Variants in DIAPH2 observed in about 807,000 individuals in gnomAD.
The protein encoded by DIAPH2 is protein diaphanous homolog 2.
In DIAPH2, 35 loss-of-function variants were observed where a neutral mutation model predicts 92.7. That is an observed-to-expected ratio of 0.38 (90% confidence interval 0.29 to 0.50). DIAPH2 has a LOEUF of 0.50. Ranked by LOEUF, DIAPH2 falls within the 20% of genes least tolerant of loss-of-function variation. The pLI is 0.94. For missense variants in DIAPH2, 701 were observed against 819.5 expected, an observed-to-expected ratio of 0.86 and a Z score of 1.77; for synonymous variants, 301 against 280.4, an observed-to-expected ratio of 1.07 and a Z score of -0.73.
chrX:96,796,654 T>C (rs1252150344), intron 4 of DIAPH2, among the ~76,000 whole-genome samples: 5 of 111,989 alleles, frequency 4.5e-5, no homozygotes, highest in African/African-American at 1.6e-4. Context: ...TCTTAACTTA[T>C]GACAGTCTAG....
chrX:96,805,146 G>C (rs937213917), intron 4 of DIAPH2, among the ~76,000 whole-genome samples: 16 of 110,382 alleles, frequency 1.4e-4, no homozygotes, highest in Non-Finnish European at 2.1e-4. Flanking sequence ...CATTCTAGTA[G>C]GACAGATTAA....
intron 26 of DIAPH2, among the ~76,000 whole-genome samples, chrX:97,598,138 G>C (rs985020102): frequency 9.0e-5 from 10 of 111,655 alleles, no homozygotes; most frequent in Non-Finnish European, 1.9e-4. Flanking sequence ...GGCAGGATGT[G>C]TTAGTTGGGC....
At chrX:97,145,178 G>A (rs1447503694) in intron 22 of DIAPH2, among the ~76,000 whole-genome samples, 8 of 111,472 alleles carry the variant, frequency 7.2e-5, no homozygotes, top group East Asian at 2.8e-4. Flanking sequence ...AATAATAACA[G>A]TGAGATTAAA....
chrX:97,327,394 C>T (rs890946898), intron 23 of DIAPH2, among the ~76,000 whole-genome samples: 5 of 108,905 alleles, frequency 4.6e-5, no homozygotes, highest in East Asian at 2.9e-4. Context: ...CTACCGCGCC[C>T]GGCCTAGGAA....
intron 4 of DIAPH2, among the ~76,000 whole-genome samples, chrX:96,862,980 G>T (rs2065080808): frequency 9.0e-6 from 1 of 110,607 alleles, no homozygotes; most frequent in African/African-American, 3.3e-5. Context: ...AAATTTTTTT[G>T]TCTTTTCTGC....
At chrX:97,171,245 C>T (rs1462043389) in intron 22 of DIAPH2, among the ~76,000 whole-genome samples, 2 of 111,926 alleles carry the variant, frequency 1.8e-5, no homozygotes, top group South Asian at 3.7e-4. Flanking sequence ...GGTAGTGTAG[C>T]GTTATATTAT....
At chrX:97,186,544 A>G (rs973742055) in intron 22 of DIAPH2, among the ~76,000 whole-genome samples, 61 of 112,210 alleles carry the variant, frequency 5.4e-4, no homozygotes, top group African/African-American at 1.9e-3. Context: ...GTTATTTTAC[A>G]TAATCCATGC....
chrX:97,521,524 G>C (rs1471374159), intron 26 of DIAPH2, among the ~76,000 whole-genome samples: 1 of 111,577 alleles, frequency 9.0e-6, no homozygotes, highest in Non-Finnish European at 1.9e-5. Flanking sequence ...ATCTCATCTT[G>C]ATTTGTAGTT....
chrX:96,829,120 C>T (rs1187434972), intron 4 of DIAPH2, among the ~76,000 whole-genome samples: 1 of 111,786 alleles, frequency 8.9e-6, no homozygotes, highest in Non-Finnish European at 1.9e-5. Context: ...TCCTAACTTC[C>T]TGCATGAAGT....
intron 1 of DIAPH2, among the ~76,000 whole-genome samples, chrX:96,704,756 G>A (rs2063874222): frequency 9.0e-6 from 1 of 111,116 alleles, no homozygotes. Context: ...TGAGATACAG[G>A]TACTTGTTAT....
intron 25 of DIAPH2, among the ~76,000 whole-genome samples, chrX:97,407,994 C>T (rs2069827764): frequency 9.0e-6 from 1 of 111,515 alleles, no homozygotes; most frequent in African/African-American, 3.3e-5. Flanking sequence ...TTATTCATGA[C>T]TTTATTTTAA....
intron 1 of DIAPH2, among the ~76,000 whole-genome samples, chrX:96,733,060 A>G (rs2064065463): frequency 9.0e-6 from 1 of 111,490 alleles, no homozygotes; most frequent in South Asian, 3.9e-4. Context: ...AGGAGGGAGT[A>G]TGATAGTCAT....
At chrX:97,509,099 T>G (rs980917454) in intron 26 of DIAPH2, among the ~76,000 whole-genome samples, 1 of 109,005 alleles carries the variant, frequency 9.2e-6, no homozygotes, top group African/African-American at 3.3e-5. Flanking sequence ...GAGGCTGGAG[T>G]GCAGTGGTGC....
chrX:96,757,753 T>C (rs2064240978), intron 3 of DIAPH2, among the ~76,000 whole-genome samples: 1 of 111,946 alleles, frequency 8.9e-6, no homozygotes, highest in Admixed American at 9.5e-5. Flanking sequence ...GTATTTGCTT[T>C]CCCAGGTAAT....
chrX:97,484,634 C>T (rs1057472363), intron 26 of DIAPH2, among the ~76,000 whole-genome samples: 2 of 112,434 alleles, frequency 1.8e-5, no homozygotes, highest in Non-Finnish European at 3.8e-5. Context: ...TGTGGTGGCT[C>T]ATGCCTGTAA....
chrX:97,474,789 G>A (rs1330701633), intron 26 of DIAPH2, among the ~76,000 whole-genome samples: 1 of 110,148 alleles, frequency 9.1e-6, no homozygotes, highest in Non-Finnish European at 1.9e-5. Flanking sequence ...ATTAATAATA[G>A]TAATAATAAA....
chrX:96,992,715 A>G lies in DIAPH2; in HGVS notation c.2050+27508A>G, dbSNP rs550226114. Among the ~76,000 whole-genome samples the G allele has an allele frequency of 1.6e-4, 18 of 112,463 alleles. No homozygotes were observed. The East Asian group carries it at 5.0e-3, about 31-fold the overall frequency. ...TGCATTTTGTATATCCAATTAATCC[A>G]TGTGTGATGATCACAACTGATTACA... On this transcript the variant is annotated intron_variant, in intron 17 of 26. Transcript: ENST00000324765.
At chrX:97,493,524 C>G (rs1057170242) in intron 26 of DIAPH2, among the ~76,000 whole-genome samples, 2 of 111,228 alleles carry the variant, frequency 1.8e-5, no homozygotes, top group African/African-American at 6.5e-5. Context: ...GCCTCCCAAA[C>G]TGCTGGGATT....
At chrX:97,241,194 T>G (rs1162319809) in intron 22 of DIAPH2, among the ~76,000 whole-genome samples, 1 of 112,583 alleles carries the variant, frequency 8.9e-6, no homozygotes, top group African/African-American at 3.2e-5. Flanking sequence ...ATAGAATTTT[T>G]GTATTAGATA....
Sources: gnomAD v4.1 joint callset for allele counts (sites outside exome capture counted in the v4.1 genomes callset) on GRCh38, gnomAD v4.1.1 for gene constraint, MANE v1.5 for transcripts, NCBI Gene and HGNC (gene_info 2026-07-23, HGNC 2026-07-21) for gene names.